RYR1: variants seen among roughly 807,000 people sequenced by gnomAD.
The protein encoded by RYR1 is central core disease of muscle.
RYR1 carries 342 observed loss-of-function variants against 583.5 expected under a neutral mutation model. The observed-to-expected ratio is 0.59, with a 90% CI of 0.54 to 0.64. The LOEUF (loss-of-function observed/expected upper bound fraction) is 0.64, where lower values mean the gene tolerates loss of function less well. Ranked by LOEUF, RYR1 falls within the 30% of genes least tolerant of loss-of-function variation. RYR1 has a pLI of 0.00. For synonymous variants in RYR1, 2,791 were observed against 2,822.5 expected (o/e 0.99, Z 0.35); for missense variants, 6,032 against 6,917.2 (o/e 0.87, Z 4.54).
Position 38,438,387 on chromosome 19 carries a change from A to ATC in RYR1, c.46-2357_46-2356insCT, listed in dbSNP as rs1555759872. Among the ~76,000 whole-genome samples the ATC allele has an allele frequency of 6.1e-5, 9 of 147,068 alleles. 1 individual carries two copies. The South Asian group carries it at 1.7e-3, about 28-fold the overall frequency. On this transcript the variant is annotated intron_variant, in intron 1 of 105. Transcript: ENST00000359596. ...GGATTTAAGCTCCCTGAGGGCCGTG[A>ATC]TTTTTTTTTTTTCCTTTTGAGACAT...
intron 84 of RYR1, among the ~76,000 whole-genome samples, chr19:38,538,260 C>T (rs1259825219): frequency 6.6e-6 from 1 of 152,086 alleles, no homozygotes; most frequent in African/African-American, 2.4e-5. Flanking sequence ...AATAGCAGGG[C>T]GTGGTGGCAC....
intron 71 of RYR1, 32 bp downstream of exon 71, chr19:38,525,534 C>T: frequency 6.2e-7 from 1 of 1,608,004 alleles, no homozygotes. Context: ...CGGAACCTTC[C>T]AGGATGCCGC....
intron 89 of RYR1, among the ~76,000 whole-genome samples, chr19:38,558,162 A>T (rs768997974): frequency 2.0e-5 from 3 of 151,766 alleles, no homozygotes; most frequent in Non-Finnish European, 4.4e-5. Flanking sequence ...ACTGTTTAAA[A>T]AATTAGCTGG....
At chr19:38,524,538 G>A (rs1366138485) in intron 70 of RYR1, among the ~76,000 whole-genome samples, 2 of 152,232 alleles carry the variant, frequency 1.3e-5, no homozygotes, top group South Asian at 2.1e-4. Flanking sequence ...GCCAGCCGGC[G>A]TGGATGTGGC....
intron 33 of RYR1, among the ~76,000 whole-genome samples, chr19:38,484,227 G>A (rs1438268600): frequency 6.6e-6 from 1 of 152,114 alleles, no homozygotes. Context: ...AGGAGGCGGA[G>A]GTTGCATTGA....
Position 38,537,037 on chromosome 19 carries a change from G to C in RYR1, c.11608+270G>C. 5.2e-6 allele frequency: 3 copies of C among 578,556 alleles called. No individual in the cohort carries two copies. The South Asian group carries it at 6.3e-5, about 12-fold the overall frequency. 35.8% of individuals were successfully genotyped at this position (578,556 alleles called of 1,614,324 possible). Reference sequence around the variant, plus strand: ...TTCCCCATGTGTGAAGCAGAAGCTAGAGAACATGGTAAAGATCTCTTTCCA... The same window carrying C: ...TTCCCCATGTGTGAAGCAGAAGCTACAGAACATGGTAAAGATCTCTTTCCA... On this transcript the variant is annotated intron_variant, in intron 83 of 105. Coordinates refer to ENST00000359596, the MANE Select transcript of RYR1 (RefSeq NM_000540.3).
Position 38,564,796 on chromosome 19 carries a change from G to A in RYR1, c.12625-163G>A, listed in dbSNP as rs139136652. Among the ~76,000 whole-genome samples the A allele has an allele frequency of 4.9e-3, 739 of 152,278 alleles. 5 individuals carry two copies. The highest frequency in any genetic ancestry group is 0.017 in the African/African-American group (695 of 41,562). ...TTCCCAAAGTGCTATGATTACAGGC[G>A]GAGCCACCGCGCCCAGCCTGACCCT... On this transcript the variant is annotated intron_variant, in intron 90 of 105. Transcript: ENST00000359596.
Position 38,564,964 on chromosome 19 carries a change from G to A in RYR1, c.12630G>A (p.Lys4210=). Residue 4210 remains lysine (K), a synonymous_variant, in exon 91 of 106, where the codon AAG becomes AAA. Transcript: ENST00000359596. ...TCTGCCGCCCCTCGCTTCAGGTGAA[G>A]GAGTCCAAGCGCCAGTTCATCTTCG... The part of the protein sequence containing the change: ...NRAQWEMPQV[K]ESKRQFIFDV... The A allele has an allele frequency of 6.3e-7, 1 of 1,583,116 alleles. No individual in the cohort carries two copies. Among genetic ancestry groups the A allele is most frequent in the Non-Finnish European group, 8.6e-7 (1 of 1,165,576 alleles).
chr19:38,466,199 CG>C lies in RYR1; in HGVS notation c.2980del (p.Val994CysfsTer115). 6.2e-7 allele frequency: 1 copy of C among 1,613,268 alleles called. No homozygotes were observed. The highest frequency in any genetic ancestry group is 8.5e-7 in the Non-Finnish European group (1 of 1,179,858). On this transcript the variant is annotated frameshift_variant, in exon 24 of 106. Transcript: ENST00000359596. LOFTEE classifies it high-confidence loss of function. ...VDRLAENGHN[V>X]WARDRVGQGW... The stretch of plus-strand genomic sequence containing the variant: ...ACCGTCTGGCAGAAAATGGGCACAA[CG>C]TGTGGGCCCGAGACCGCGTGGGCCA...
rs1439975602 is a variant in RYR1, at chr19:38,572,029, C to G, written c.13757C>G (p.Ser4586Cys). The change falls in exon 95 of 106, where the codon TCT (serine) becomes TGT (cysteine). Residue 4586 changes from serine to cysteine, a missense_variant. Ser to Cys is a moderately radical substitution (Grantham distance 112). Transcript: ENST00000359596. ...FILLFYKVSD[S>C]PPGEDDMEGS... ...CTGTCCCCATTTCAGGTCTCAGACT[C>G]TCCACCAGGGGAGGACGACATGGAA... is the stretch of plus-strand genomic sequence containing the variant. The G allele has an allele frequency of 6.2e-7, 1 of 1,613,906 alleles. No homozygotes were observed. The highest frequency in any genetic ancestry group is 1.3e-5 in the African/African-American group (1 of 74,926).
Position 38,489,411 on chromosome 19 carries a change from C to T in RYR1, c.5782C>T (p.Gln1928Ter), listed in dbSNP as rs761284779. ...KEEGLEEGLL[Q>*]MKLPESVKLQ... ...AGAAGGCTTGGAGGAAGGGCTGCTC[C>T]AGATGAAGTTGCCAGAGTCTGTGAA... The change falls in exon 35 of 106, where the codon CAG (glutamine) becomes TAG (stop). Residue 1928 changes from glutamine (Q) to a stop codon, truncating the protein, a stop_gained. Coordinates refer to ENST00000359596, the MANE Select transcript of RYR1 (RefSeq NM_000540.3). LOFTEE classifies it high-confidence loss of function. The T allele has an allele frequency of 1.9e-6, 3 of 1,613,968 alleles. No homozygotes were observed.
At position 38,565,549 on chromosome 19, in the gene RYR1, C is replaced by T. The variant is rs910867163; in HGVS notation, c.13215C>T (p.Gly4405=). The T allele has an allele frequency of 1.3e-5, 19 of 1,491,070 alleles. No homozygotes were observed. Among genetic ancestry groups the T allele is most frequent in the Non-Finnish European group, 1.7e-5 (19 of 1,127,424 alleles). 92.4% of individuals were successfully genotyped at this position (1,491,070 alleles called of 1,614,324 possible). ...QPAGPGGDAD[G]EGASEGAGDA... ...CCGGGCCGGGCGGAGACGCAGACGG[C>T]GAGGGTGCCAGCGAGGGCGCTGGAG... Residue 4405 remains glycine, a synonymous_variant, in exon 91 of 106, where the codon GGC becomes GGT. Coordinates refer to ENST00000359596, the MANE Select transcript of RYR1 (RefSeq NM_000540.3). This position sits in a 1 kb window ranked among gnomAD's most constrained non-coding sequence, Gnocchi z 4.7.
chr19:38,494,233 TG>T, intron 38 of RYR1, 118 bp from the exon 39 acceptor site: 1 of 1,143,764 alleles, frequency 8.7e-7, no homozygotes, highest in Non-Finnish European at 1.3e-6. Flanking sequence ...AGGGCGCAGG[TG>T]GTAGTAACTG....
At chr19:38,482,660 G>A (rs1969069951) in intron 31 of RYR1, among the ~76,000 whole-genome samples, 1 of 152,030 alleles carries the variant, frequency 6.6e-6, no homozygotes, top group African/African-American at 2.4e-5. Context: ...ACGTTGCCCA[G>A]GCTGCTCTTG....
intron 11 of RYR1, 124 bp downstream of exon 11, chr19:38,448,937 G>A: frequency 1.1e-6 from 1 of 915,260 alleles, no homozygotes; most frequent in Non-Finnish European, 1.7e-6. Context: ...GAGTGAGATG[G>A]GGTGCAGGAG....
chr19:38,502,751 T>TGGGGGTGGGGCAGGGGCA lies in RYR1; in HGVS notation c.7835+28_7835+29insGTGGGGCAGGGGCAGGGG. 4 of 1,045,444 alleles carry TGGGGGTGGGGCAGGGGCA rather than the reference T, an allele frequency of 3.8e-6. No individual in the cohort carries two copies. In the South Asian group the frequency reaches 4.2e-5, roughly 11 times the overall value. The allele number at this position is 1,045,444 out of a possible 1,614,324, so 64.8% of individuals were successfully genotyped here. A position where few individuals can be genotyped will look rare whatever the true frequency, so the allele number is the denominator to read the frequency against. On this transcript the variant is annotated intron_variant, in intron 48 of 105. Coordinates refer to ENST00000359596, the MANE Select transcript of RYR1 (RefSeq NM_000540.3). The stretch of plus-strand genomic sequence containing the variant: ...AGGTGGAGCGGGGCAGGCTTCAGGG[T>TGGGGGTGGGGCAGGGGCA]GGGGCAGGGGCAGGGGCAGGGGCAG...
rs973487940 is a variant in RYR1, at chr19:38,534,802, T to A, written c.11342T>A (p.Met3781Lys). 3 of 1,613,128 alleles carry A rather than the reference T, an allele frequency of 1.9e-6. No individual in the cohort carries two copies. Among genetic ancestry groups the A allele is most frequent in the Admixed American group, 3.3e-5 (2 of 59,876 alleles). Residue 3781 changes from methionine (M) to lysine (K), a missense_variant, in exon 79 of 106, where the codon ATG becomes AAG. Coordinates refer to ENST00000359596, the MANE Select transcript of RYR1 (RefSeq NM_000540.3). ...GGGGCGGCCGAGATGGTGCTGCAGA[T>A]GATCAGTGCCTGCAAAGGTGCCCCT... The part of the protein sequence containing the change: ...TRGAAEMVLQ[M>K]ISACKGETGA...
At chr19:38,587,155 G>A (rs549030257) in intron 105 of RYR1, among the ~76,000 whole-genome samples, 170 bp from the exon 106 acceptor site, 8 of 151,962 alleles carry the variant, frequency 5.3e-5, no homozygotes, top group Middle Eastern at 3.4e-3. Context: ...AGCTACTCTG[G>A]AGACTGAGGT....
chr19:38,478,241 G>A (rs1968838451), intron 30 of RYR1, among the ~76,000 whole-genome samples, 194 bp from the exon 31 acceptor site: 1 of 151,730 alleles, frequency 6.6e-6, no homozygotes, highest in African/African-American at 2.4e-5. Flanking sequence ...TCCCCACTGC[G>A]CCAGCTGCTA....
Sources: gnomAD v4.1 joint callset for allele counts (sites outside exome capture counted in the v4.1 genomes callset) on GRCh38, gnomAD v4.1.1 for gene constraint, Gnocchi (gnomAD v3.1) non-coding constraint, MANE v1.5 for transcripts, NCBI Gene and HGNC (gene_info 2026-07-23, HGNC 2026-07-21) for gene names.